C4orf17: variants seen among roughly 807,000 people sequenced by gnomAD.
The protein encoded by C4orf17 is uncharacterized protein C4orf17.
C4orf17 carries 25 observed loss-of-function variants against 32.0 expected under a neutral mutation model. The observed-to-expected ratio is 0.78, with a 90% CI of 0.57 to 1.09. The LOEUF is 1.09. Ranked by LOEUF, C4orf17 falls within the 50% of genes least tolerant of loss-of-function variation. The probability of loss-of-function intolerance (pLI) is 0.00; values close to 1 mark genes in which losing one functional copy is unlikely to be tolerated. For missense variants in C4orf17, 420 were observed against 420.0 expected, an observed-to-expected ratio of 1.00 and a Z score of 0.00; for synonymous variants, 149 against 145.8, an observed-to-expected ratio of 1.02 and a Z score of -0.16.
intron 2 of C4orf17, among the ~76,000 whole-genome samples, chr4:99,520,141 C>T (rs1723260877): frequency 6.7e-6 from 1 of 149,172 alleles, no homozygotes; most frequent in African/African-American, 2.5e-5. Context: ...CCAGGCCGGA[C>T]TGCAGTGGTG....
chr4:99,519,773 T>C (rs1161332368), intron 2 of C4orf17, among the ~76,000 whole-genome samples: 1 of 152,010 alleles, frequency 6.6e-6, no homozygotes, highest in East Asian at 1.9e-4. Flanking sequence ...GATTCAGTCA[T>C]CAAAGTGGGA....
At chr4:99,529,616 A>T (rs884276) in intron 4 of C4orf17, among the ~76,000 whole-genome samples, 199 bp from the exon 5 acceptor site, 13,922 of 152,228 alleles carry the variant, frequency 0.091, 1,187 homozygotes, top group African/African-American at 0.21. Context: ...AAATGATTTC[A>T]TCAAAAGTTA....
chr4:99,538,007 G>A (rs1028367475), intron 6 of C4orf17, among the ~76,000 whole-genome samples: 29 of 152,120 alleles, frequency 1.9e-4, no homozygotes, highest in Admixed American at 7.2e-4. Flanking sequence ...GTCCAAGGGC[G>A]GTCTTATTCT....
At position 99,542,011 on chromosome 4, in the gene C4orf17, C is replaced by G; in HGVS notation, c.982C>G (p.Gln328Glu). 1 of 1,613,970 alleles carries G rather than the reference C, an allele frequency of 6.2e-7. No homozygotes were observed. The highest frequency in any genetic ancestry group is 8.5e-7 in the Non-Finnish European group (1 of 1,179,864). Residue 328 changes from glutamine (Q) to glutamate (E), a missense_variant, in exon 9 of 9, where the codon CAG (glutamine) becomes GAG (glutamate). Physicochemically the swap from Gln to Glu is conservative, Grantham distance 29 (BLOSUM62 2). Transcript: ENST00000326581. Reference protein sequence around the residue: ...KPNSPPRPNTQESGSAKPVSA... With the variant: ...KPNSPPRPNTEESGSAKPVSA... ...AAATTCTCCTCCCAGGCCTAACACTCAGGAGAGTGGATCAGCAAAACCAGT... is the reference window on the plus strand; with the variant it reads ...AAATTCTCCTCCCAGGCCTAACACTGAGGAGAGTGGATCAGCAAAACCAGT...
rs145120945 is a variant in C4orf17 at position 99,526,651 on chromosome 4, C to CTTT, written c.402+2078_402+2080dup. On this transcript the variant is annotated intron_variant, in intron 4 of 8. Transcript: ENST00000326581. ...CTACAAATTCAATTTCTTTTCTTTT[C>CTTT]TTTTTTTTTTTTTTATAGCTATAGG... is the stretch of plus-strand genomic sequence containing the variant. Among the ~76,000 whole-genome samples the CTTT allele has an allele frequency of 4.1e-3, 559 of 137,606 alleles. 5 individuals carry two copies. The highest frequency in any genetic ancestry group is 0.014 in the African/African-American group (527 of 38,324). 90.3% of individuals were successfully genotyped at this position (137,606 alleles called of 152,430 possible). A position where few individuals can be genotyped will look rare whatever the true frequency, so the allele number is the denominator to read the frequency against.
chr4:99,540,380 A>C (rs1469890874), intron 7 of C4orf17, 32 bp from the exon 8 acceptor site: 1 of 1,570,150 alleles, frequency 6.4e-7, no homozygotes, highest in Non-Finnish European at 8.8e-7. Flanking sequence ...GTATCTGTGA[A>C]ATTCACTTTT....
At chr4:99,539,432 CTT>C in intron 7 of C4orf17, 62 bp downstream of exon 7, 1 of 1,318,442 alleles carries the variant, frequency 7.6e-7, no homozygotes, top group Non-Finnish European at 1.1e-6. Flanking sequence ...TTTGAATTCT[CTT>C]GTTATTTATC....
chr4:99,541,850 G>T (rs971450615), intron 8 of C4orf17, 60 bp from the exon 9 acceptor site: 3 of 1,188,180 alleles, frequency 2.5e-6, no homozygotes, highest in East Asian at 2.5e-5. Context: ...ACTAAAACAT[G>T]GAGAAGGTGT....
chr4:99,516,238 G>A (rs1723178531), intron 2 of C4orf17, among the ~76,000 whole-genome samples: 2 of 152,208 alleles, frequency 1.3e-5, no homozygotes, highest in Admixed American at 1.3e-4. Context: ...CTACCCTCAT[G>A]GAGCTCACAT....
chr4:99,513,197 G>T lies in C4orf17; in HGVS notation c.116G>T (p.Cys39Phe). The change falls in exon 2 of 9, where the codon TGC becomes TTC. Residue 39 changes from cysteine (C) to phenylalanine (F), a missense_variant. Cys to Phe is a radical substitution (Grantham distance 205). Coordinates refer to ENST00000326581, the MANE Select transcript of C4orf17 (RefSeq NM_032149.3). ...CACACCCCTCATCCCAGAAGAGTCT[G>T]CCACATCAAAGGTAAGGTGACTTAA... is the stretch of plus-strand genomic sequence containing the variant. ...VRHTPHPRRV[C>F]HIKGLNNIPI... 1 of 1,613,822 alleles carries T rather than the reference G, an allele frequency of 6.2e-7. No homozygotes were observed. Among genetic ancestry groups the T allele is most frequent in the Non-Finnish European group, 8.5e-7 (1 of 1,179,798 alleles).
intron 1 of C4orf17, 117 bp from the exon 2 acceptor site, chr4:99,512,872 C>A (rs1723117046): frequency 5.7e-6 from 3 of 527,538 alleles, no homozygotes; most frequent in South Asian, 2.6e-5. Context: ...AAAATAGCCT[C>A]ACATTGCTGT....
intron 2 of C4orf17, among the ~76,000 whole-genome samples, chr4:99,515,835 T>C (rs888725028): frequency 6.6e-6 from 1 of 151,066 alleles, no homozygotes; most frequent in South Asian, 2.1e-4. Context: ...AAACCAAGCT[T>C]TGTTGAAAAA....
chr4:99,535,333 T>C (rs553547243), intron 5 of C4orf17, among the ~76,000 whole-genome samples: 88 of 152,272 alleles, frequency 5.8e-4, no homozygotes, highest in African/African-American at 2.1e-3. Flanking sequence ...AAGTATGTTT[T>C]CCAACTTGGT....
chr4:99,518,720 A>G (rs577382730), intron 2 of C4orf17, among the ~76,000 whole-genome samples: 3 of 148,262 alleles, frequency 2.0e-5, no homozygotes, highest in East Asian at 2.0e-4. Flanking sequence ...TCTCCTATCA[A>G]CTCCCTCCCC....
chr4:99,513,700 C>T (rs1723132952), intron 2 of C4orf17, among the ~76,000 whole-genome samples: 1 of 151,898 alleles, frequency 6.6e-6, no homozygotes, highest in Non-Finnish European at 1.5e-5. Flanking sequence ...TCTTTCCTTC[C>T]TCTCTCTTTT....
In C4orf17 at chr4:99,524,663, G is replaced by T. The variant is rs533166925; in HGVS notation, c.402+78G>T. 6 of 829,450 alleles carry T rather than the reference G, an allele frequency of 7.2e-6. No individual in the cohort carries two copies. In the Admixed American group the frequency reaches 1.2e-4, roughly 17 times the overall value. The allele number at this position is 829,450 out of a possible 1,614,324, so 51.4% of individuals were successfully genotyped here. A position where few individuals can be genotyped will look rare whatever the true frequency, so the allele number is the denominator to read the frequency against. ...TCTCCTTTTCTTTACATACCTTTCC[G>T]AAAAGTCACCATGTTTCACAATATT... On this transcript the variant is annotated intron_variant, in intron 4 of 8. Transcript: ENST00000326581.
At position 99,526,149 on chromosome 4, in the gene C4orf17, T is replaced by G. The variant is rs571079824; in HGVS notation, c.402+1564T>G. Among the ~76,000 whole-genome samples, 3 of 152,376 alleles carry G rather than the reference T, an allele frequency of 2.0e-5. No homozygotes were observed. In the South Asian group the frequency reaches 6.2e-4, roughly 32 times the overall value. ...TTCATATTAGTGGATGACCTTTATATGGCTGAGAAAGTTCCCTTCCATTCC... is the reference window on the plus strand; with the variant it reads ...TTCATATTAGTGGATGACCTTTATAGGGCTGAGAAAGTTCCCTTCCATTCC... On this transcript the variant is annotated intron_variant, in intron 4 of 8. Transcript: ENST00000326581.
intron 4 of C4orf17, among the ~76,000 whole-genome samples, chr4:99,525,316 G>A (rs983532619): frequency 3.3e-5 from 5 of 151,874 alleles, no homozygotes; most frequent in Non-Finnish European, 4.4e-5. Context: ...TTTCCTCCAC[G>A]TCTTCCCCAA....
At chr4:99,513,561 T>A (rs1723130504) in intron 2 of C4orf17, among the ~76,000 whole-genome samples, 1 of 152,182 alleles carries the variant, frequency 6.6e-6, no homozygotes, top group Non-Finnish European at 1.5e-5. Context: ...AATCCACACA[T>A]CTGCATGCTA....
Sources: allele counts gnomAD v4.1 joint callset (sites outside exome capture counted in the v4.1 genomes callset), GRCh38; gene constraint gnomAD v4.1.1; transcripts MANE v1.5; gene names NCBI Gene and HGNC (gene_info 2026-07-23, HGNC 2026-07-21).